TMEM63A: variants seen among roughly 807,000 people sequenced by gnomAD.
The protein encoded by TMEM63A is mechanosensitive cation channel TMEM63A.
Under a neutral mutation model 100.6 loss-of-function variants are expected in TMEM63A, and 76 were observed. That is an observed-to-expected ratio of 0.76 (90% CI 0.63 to 0.91). TMEM63A has a LOEUF of 0.91. Among genes scored for constraint, TMEM63A ranks in the 40% least tolerant of loss-of-function variants. TMEM63A has a pLI of 0.00. For synonymous variants in TMEM63A, 401 were observed against 401.1 expected (o/e 1.00, Z 0.00); for missense variants, 876 against 1,008.8 (o/e 0.87, Z 1.78).
In TMEM63A at chr1:225,853,196, G is replaced by A. The variant is rs890753575; in HGVS notation, c.1798-427C>T. On this transcript the variant is annotated intron_variant, in intron 19 of 24. Transcript: ENST00000366835. This position sits in a 1 kb window ranked among gnomAD's most constrained non-coding sequence, Gnocchi z 4.0. ...ATGCAGCACTTCTCCCACTTTCCTC[G>A]CACAGTGCCCACCATGGCAGAGGAG... is the stretch of plus-strand genomic sequence containing the variant. Among the ~76,000 whole-genome samples the A allele has an allele frequency of 2.0e-5, 3 of 152,130 alleles. No individual in the cohort carries two copies. The East Asian group carries it at 5.8e-4, about 29-fold the overall frequency.
downstream of TMEM63A, chr1:225,844,439 C>A (rs1668737044): frequency 7.4e-6 from 12 of 1,613,492 alleles, no homozygotes; most frequent in Admixed American, 2.0e-4. Context: ...TTCTGGCTGC[C>A]CTTTGTCACA....
chr1:225,879,745 G>A lies in TMEM63A; in HGVS notation c.-205-335C>T, dbSNP rs1050190295. 2.1e-4 allele frequency among the ~76,000 whole-genome samples: 32 copies of A among 152,324 alleles called. 1 individual carries two copies. Among genetic ancestry groups the A allele is most frequent in the Admixed American group, 1.8e-3 (28 of 15,302 alleles). ...GAAACCCTGGAGGTTGTGGGCTCAC[G>A]GTAGGGCCCCAAGCAAAGGACTTCA... On this transcript the variant is annotated intron_variant, in intron 1 of 24. Transcript: ENST00000366835.
chr1:225,857,391 G>GGGGGGGGGC (rs1669690300), intron 15 of TMEM63A, among the ~76,000 whole-genome samples: 1 of 133,122 alleles, frequency 7.5e-6, no homozygotes, highest in African/African-American at 2.8e-5. Flanking sequence ...GGGCGGGGGG[G>GGGGGGGGGC]GGGGGGTGCC....
Position 225,852,662 on chromosome 1 carries a change from AC to A in TMEM63A, c.1903+1del. ...CCTGGGACAGGCTCCAGGGCCACTC[AC>A]CAAATGGCGCGATGATGGGACAAGT... On this transcript the variant is annotated splice_donor_variant, in intron 20 of 24. Transcript: ENST00000366835. LOFTEE classifies it high-confidence loss of function. 2 of 1,612,628 alleles carry A rather than the reference AC, an allele frequency of 1.2e-6. No individual in the cohort carries two copies. The highest frequency in any genetic ancestry group is 8.5e-7 in the Non-Finnish European group (1 of 1,179,996).
intron 20 of TMEM63A, 77 bp from the exon 21 acceptor site, chr1:225,850,156 G>C (rs1669248655): frequency 6.5e-7 from 1 of 1,546,776 alleles, no homozygotes. Context: ...CTCCGGGGCG[G>C]CTATTTTGGC....
rs1670272382 is a variant in TMEM63A at position 225,867,486 on chromosome 1, C to T, written c.515-323G>A. ...GGTATCCTAAGTGGATTCATGGTGG[C>T]ATTTTGGAAGGTGGATTCTTGCAGT... On this transcript the variant is annotated intron_variant, in intron 7 of 24. Coordinates refer to ENST00000366835, the MANE Select transcript of TMEM63A (RefSeq NM_014698.3). The surrounding 1 kb of genome is among the most constrained non-coding windows in gnomAD (Gnocchi z 4.6). Among the ~76,000 whole-genome samples, 1 of 152,186 alleles carries T rather than the reference C, an allele frequency of 6.6e-6. No individual in the cohort carries two copies. The highest frequency in any genetic ancestry group is 2.4e-5 in the African/African-American group (1 of 41,450).
chr1:225,850,172 G>T (rs1669249482), intron 20 of TMEM63A, 93 bp from the exon 21 acceptor site: 7 of 1,465,796 alleles, frequency 4.8e-6, no homozygotes, highest in Non-Finnish European at 6.5e-6. Flanking sequence ...TTGGCAAGGA[G>T]CCAGGGCTGG....
intron 4 of TMEM63A, among the ~76,000 whole-genome samples, chr1:225,872,397 ATAC>A (rs1433711411): frequency 2.6e-5 from 4 of 152,228 alleles, no homozygotes; most frequent in African/African-American, 7.2e-5. Flanking sequence ...CTTGGAATAA[ATAC>A]TACATTTTAT....
chr1:225,875,784 C>A (rs1358346274), intron 3 of TMEM63A, among the ~76,000 whole-genome samples: 1 of 151,774 alleles, frequency 6.6e-6, no homozygotes, highest in East Asian at 2.0e-4. Flanking sequence ...CCACCCCTGG[C>A]CGGGCACCAT....
At chr1:225,877,137 C>CATAG (rs1340961100) in intron 3 of TMEM63A, among the ~76,000 whole-genome samples, 4 of 152,300 alleles carry the variant, frequency 2.6e-5, no homozygotes, top group Non-Finnish European at 5.9e-5. Flanking sequence ...TAATCACAGG[C>CATAG]ATAGCTATAT....
Position 225,853,764 on chromosome 1 carries a change from G to T in TMEM63A, c.1662C>A (p.Ala554=). Residue 554 remains alanine (A), a synonymous_variant, in exon 19 of 25, where the codon GCC becomes GCA. Transcript: ENST00000366835. The surrounding 1 kb of genome is among the most constrained non-coding windows in gnomAD (Gnocchi z 4.0). ...LECVFLPDQG[A]FFVNYVIASA... ...AGGCGATGACATAGTTCACAAAGAA[G>T]GCACCCTGGTCAGGCAGGAAGACGC... 1 of 1,608,262 alleles carries T rather than the reference G, an allele frequency of 6.2e-7. No homozygotes were observed. Among genetic ancestry groups the T allele is most frequent in the Non-Finnish European group, 8.5e-7 (1 of 1,177,280 alleles).
intron 20 of TMEM63A, among the ~76,000 whole-genome samples, chr1:225,850,342 T>C (rs905751162): frequency 1.3e-5 from 2 of 151,834 alleles, no homozygotes; most frequent in East Asian, 1.9e-4. Flanking sequence ...GATAAAGTTA[T>C]AGGAAATAGA....
rs755816321 is a variant in TMEM63A at position 225,871,063 on chromosome 1, C to G, written c.371+13G>C. On this transcript the variant is annotated intron_variant, in intron 6 of 24. Coordinates refer to ENST00000366835, the MANE Select transcript of TMEM63A (RefSeq NM_014698.3). Reference sequence around the variant, plus strand: ...CCAAAGGCCCCCCAGCAGCTGCCCCCGGGTGTACTCACTGCAGACGGAAGA... The same window carrying G: ...CCAAAGGCCCCCCAGCAGCTGCCCCGGGGTGTACTCACTGCAGACGGAAGA... The G allele has an allele frequency of 3.7e-6, 6 of 1,613,666 alleles. No homozygotes were observed. The highest frequency in any genetic ancestry group is 2.7e-5 in the African/African-American group (2 of 74,932).
chr1:225,845,794 G>C lies in TMEM63A; in HGVS notation c.*1145C>G, dbSNP rs1422233477. ...GCCACCACTGCGGGGGCAAGTCAGC[G>C]TCAAGAGAGTCCCTGAGTGAGAAGG... On this transcript the variant is annotated 3_prime_UTR_variant, in exon 25 of 25. Transcript: ENST00000366835. 1 of 264,290 alleles carries C rather than the reference G, an allele frequency of 3.8e-6. No homozygotes were observed. Among genetic ancestry groups the C allele is most frequent in the Non-Finnish European group, 7.3e-6 (1 of 136,160 alleles). 16.4% of individuals were successfully genotyped at this position (264,290 alleles called of 1,614,324 possible).
In TMEM63A at chr1:225,860,858, A is replaced by T. The variant is rs373193422; in HGVS notation, c.1223+2T>A. 11 of 1,606,346 alleles carry T rather than the reference A, an allele frequency of 6.8e-6. No homozygotes were observed. The highest frequency in any genetic ancestry group is 9.4e-6 in the Non-Finnish European group (11 of 1,176,438). On this transcript the variant is annotated splice_donor_variant, in intron 14 of 24. Transcript: ENST00000366835. LOFTEE classifies it high-confidence loss of function. ...CCACCTCTCCTTGGTCTAGGAGCTTACCAGCAGATGTCCTCAGGGTCAGCA... is the reference window on the plus strand; with the variant it reads ...CCACCTCTCCTTGGTCTAGGAGCTTTCCAGCAGATGTCCTCAGGGTCAGCA...
chr1:225,880,565 T>C (rs1671039254), intron 1 of TMEM63A, among the ~76,000 whole-genome samples: 1 of 152,012 alleles, frequency 6.6e-6, no homozygotes, highest in Non-Finnish European at 1.5e-5. Context: ...TAGATGTATG[T>C]GAATGCCTAG....
chr1:225,862,178 G>A lies in TMEM63A; in HGVS notation c.1085+40C>T. ...CAGTGAGTTATCTGGAGGGGAACAGGGAGTCAGCCAAGAAGGGGTCTGGAT... is the reference window on the plus strand; with the variant it reads ...CAGTGAGTTATCTGGAGGGGAACAGAGAGTCAGCCAAGAAGGGGTCTGGAT... On this transcript the variant is annotated intron_variant, in intron 13 of 24. Coordinates refer to ENST00000366835, the MANE Select transcript of TMEM63A (RefSeq NM_014698.3). This position sits in a 1 kb window ranked among gnomAD's most constrained non-coding sequence, Gnocchi z 5.1. 1 of 1,610,042 alleles carries A rather than the reference G, an allele frequency of 6.2e-7. No individual in the cohort carries two copies. The highest frequency in any genetic ancestry group is 8.5e-7 in the Non-Finnish European group (1 of 1,178,042).
intron 3 of TMEM63A, among the ~76,000 whole-genome samples, chr1:225,874,628 T>C (rs1271646381): frequency 6.6e-6 from 1 of 152,212 alleles, no homozygotes. Flanking sequence ...GCCTGGAGCC[T>C]GCCTAGTTCT....
At chr1:225,847,465 C>G in intron 23 of TMEM63A, 1 of 428,716 alleles carries the variant, frequency 2.3e-6, no homozygotes, top group South Asian at 4.6e-5. Context: ...GAGCAGTTCT[C>G]AGAGGAAACT....
Sources: gnomAD v4.1 joint callset for allele counts (sites outside exome capture counted in the v4.1 genomes callset) on GRCh38, gnomAD v4.1.1 for gene constraint, Gnocchi (gnomAD v3.1) non-coding constraint, MANE v1.5 for transcripts, NCBI Gene and HGNC (gene_info 2026-07-23, HGNC 2026-07-21) for gene names.